The following FOXP1 variants were observed in gnomAD, a reference collection of about 807,000 sequenced individuals.
FOXP1 encodes the protein forkhead box P1.
A neutral mutation model predicts 98.2 loss-of-function variants in FOXP1; 15 were observed. That is an observed-to-expected ratio of 0.15 (90% confidence interval 0.10 to 0.24). FOXP1 has a LOEUF of 0.24. Ranked by LOEUF, FOXP1 falls within the 10% of genes least tolerant of loss-of-function variation. The pLI is 1.00. For missense variants in FOXP1, 633 were observed against 848.5 expected, an observed-to-expected ratio of 0.75 and a Z score of 3.15; for synonymous variants, 371 against 314.5, an observed-to-expected ratio of 1.18 and a Z score of -1.90.
chr3:71,092,963 T>C (rs1206111874), intron 7 of FOXP1, among the ~76,000 whole-genome samples: 1 of 152,158 alleles, frequency 6.6e-6, no homozygotes, highest in South Asian at 2.1e-4. Flanking sequence ...TACCAAATGC[T>C]TTAAAAGGCA....
chr3:71,015,500 G>T lies in FOXP1; in HGVS notation c.974+49C>A, dbSNP rs781429902. The T allele has an allele frequency of 8.0e-6, 10 of 1,248,838 alleles. No individual in the cohort carries two copies. In the South Asian group the frequency reaches 1.1e-4, roughly 14 times the overall value. 77.4% of individuals were successfully genotyped at this position (1,248,838 alleles called of 1,614,324 possible). A position where few individuals can be genotyped will look rare whatever the true frequency, so the allele number is the denominator to read the frequency against. ...TTTTATGAGCAAAGCATGAACGGTGGGAGGTGTTGGCTATGTAAAAGAAGA... is the reference window on the plus strand; with the variant it reads ...TTTTATGAGCAAAGCATGAACGGTGTGAGGTGTTGGCTATGTAAAAGAAGA... On this transcript the variant is annotated intron_variant, in intron 12 of 20. Transcript: ENST00000649528.
chr3:71,582,084 G>A lies in FOXP1; in HGVS notation c.-446-387C>T, dbSNP rs569316336. 11 of 973,210 alleles carry A rather than the reference G, an allele frequency of 1.1e-5. No homozygotes were observed. In the East Asian group the frequency reaches 9.4e-4, roughly 83 times the overall value. 60.3% of individuals were successfully genotyped at this position (973,210 alleles called of 1,614,324 possible). On this transcript the variant is annotated intron_variant, in intron 1 of 20. Coordinates refer to ENST00000649528, the MANE Select transcript of FOXP1 (RefSeq NM_001349338.3). The stretch of plus-strand genomic sequence containing the variant: ...GGCGGGAGCTGCGCGGGAATGGGGG[G>A]CTGCAGGCAGCGATTTCGAAGCAAA...
chr3:71,345,361 C>G (rs1284561519), intron 4 of FOXP1, among the ~76,000 whole-genome samples: 2 of 151,590 alleles, frequency 1.3e-5, no homozygotes, highest in East Asian at 3.9e-4. Flanking sequence ...GAACTCCAGC[C>G]TCAGTGACAG....
At chr3:70,970,659 G>A (rs1013378456) in intron 19 of FOXP1, 77 bp downstream of exon 19, 3 of 1,153,076 alleles carry the variant, frequency 2.6e-6, no homozygotes, top group Non-Finnish European at 4.0e-6. Flanking sequence ...TCTAATTAGA[G>A]CAAGGCTAAT....
intron 3 of FOXP1, among the ~76,000 whole-genome samples, chr3:71,396,426 C>A (rs560001766): frequency 6.6e-6 from 1 of 152,094 alleles, no homozygotes; most frequent in African/African-American, 2.4e-5. Flanking sequence ...AATGAGGAAA[C>A]TGGGCTTGGA....
chr3:71,398,694 A>G (rs1228394325), intron 3 of FOXP1, among the ~76,000 whole-genome samples: 5 of 152,144 alleles, frequency 3.3e-5, no homozygotes, highest in African/African-American at 7.2e-5. Context: ...CCTTTAATAA[A>G]TCACTGCACT....
At chr3:71,081,800 AT>A (rs113601549) in intron 7 of FOXP1, among the ~76,000 whole-genome samples, 6,413 of 152,322 alleles carry the variant, frequency 0.042, 463 homozygotes, top group African/African-American at 0.15. Flanking sequence ...ATGTAGCTAG[AT>A]TTTGTCATTA....
At chr3:71,473,818 C>A (rs1166304395) in intron 3 of FOXP1, among the ~76,000 whole-genome samples, 2 of 152,056 alleles carry the variant, frequency 1.3e-5, no homozygotes, top group East Asian at 3.9e-4. Flanking sequence ...AAAATAAATA[C>A]CCTGCAAGCT....
chr3:71,204,252 A>G (rs1414001950), intron 5 of FOXP1, among the ~76,000 whole-genome samples: 1 of 152,228 alleles, frequency 6.6e-6, no homozygotes, highest in African/African-American at 2.4e-5. Flanking sequence ...TAAAGCATAC[A>G]TTTAGTTCTG....
intron 4 of FOXP1, among the ~76,000 whole-genome samples, chr3:71,307,527 A>G (rs1184974988): frequency 6.6e-6 from 1 of 152,216 alleles, no homozygotes; most frequent in Admixed American, 6.5e-5. Context: ...GCCCACAGAA[A>G]CTGAAGACGC....
intron 2 of FOXP1, chr3:71,580,923 G>A: frequency 1.0e-6 from 1 of 985,382 alleles, no homozygotes; most frequent in South Asian, 4.7e-5. Flanking sequence ...AAAAGAAAAT[G>A]CTAACTTGGA....
At chr3:71,382,037 C>T (rs2080216288) in intron 3 of FOXP1, among the ~76,000 whole-genome samples, 1 of 152,086 alleles carries the variant, frequency 6.6e-6, no homozygotes, top group Non-Finnish European at 1.5e-5. Context: ...TTCAGAAGGC[C>T]TAGGCAGGCG....
At chr3:71,315,211 G>A (rs757326548) in intron 4 of FOXP1, among the ~76,000 whole-genome samples, 31 of 151,364 alleles carry the variant, frequency 2.0e-4, no homozygotes, top group African/African-American at 3.6e-4. Flanking sequence ...TTTCCACACC[G>A]TACAACCTTT....
intron 6 of FOXP1, among the ~76,000 whole-genome samples, chr3:71,182,168 G>T (rs2062350402): frequency 6.6e-6 from 1 of 152,082 alleles, no homozygotes; most frequent in South Asian, 2.1e-4. Context: ...TGTCAAATTT[G>T]ATGGTGGAAG....
At chr3:71,261,386 T>C (rs1373121831) in intron 5 of FOXP1, among the ~76,000 whole-genome samples, 1 of 152,078 alleles carries the variant, frequency 6.6e-6, no homozygotes, top group Non-Finnish European at 1.5e-5. Flanking sequence ...AATTCTTGTA[T>C]TATTTTCATA....
chr3:71,154,318 A>G (rs907953539), intron 6 of FOXP1, among the ~76,000 whole-genome samples: 1 of 152,108 alleles, frequency 6.6e-6, no homozygotes, highest in East Asian at 1.9e-4. Flanking sequence ...CTGCACAACA[A>G]TTTACTAAAA....
intron 4 of FOXP1, among the ~76,000 whole-genome samples, chr3:71,342,297 T>G (rs1383187764): frequency 1.3e-5 from 2 of 152,220 alleles, no homozygotes; most frequent in Non-Finnish European, 2.9e-5. Flanking sequence ...ACTCAAACCC[T>G]ATAAAGATAG....
chr3:71,141,525 C>T (rs1001311212), intron 6 of FOXP1, among the ~76,000 whole-genome samples: 4 of 152,154 alleles, frequency 2.6e-5, no homozygotes, highest in Admixed American at 6.5e-5. Flanking sequence ...CTCAGGCAAC[C>T]TTTCAAAACA....
intron 9 of FOXP1, among the ~76,000 whole-genome samples, chr3:71,047,770 C>T (rs1232053890): frequency 6.6e-6 from 1 of 152,198 alleles, no homozygotes; most frequent in Non-Finnish European, 1.5e-5. Context: ...TGGCTTTAGT[C>T]TCAGAAACTC....
Sources: allele counts gnomAD v4.1 joint callset (sites outside exome capture counted in the v4.1 genomes callset), GRCh38; gene constraint gnomAD v4.1.1; transcripts MANE v1.5; gene names NCBI Gene and HGNC (gene_info 2026-07-23, HGNC 2026-07-21).